RIT2: variants seen among roughly 807,000 people sequenced by gnomAD.
The protein encoded by RIT2 is Ras like without CAAX 2.
RIT2 carries 24 observed loss-of-function variants against 23.7 expected under a neutral mutation model. That is an observed-to-expected ratio of 1.01 (90% confidence interval 0.73 to 1.43). RIT2 has a LOEUF of 1.43. RIT2 is among the 40% of genes most tolerant of loss of function. The pLI is 0.00. For synonymous variants in RIT2, 107 were observed against 91.1 expected (o/e 1.17, Z -0.99); for missense variants, 236 against 266.9 (o/e 0.88, Z 0.81).
chr18:42,782,850 G>A (rs1340773699), intron 4 of RIT2, among the ~76,000 whole-genome samples: 1 of 152,032 alleles, frequency 6.6e-6, no homozygotes, highest in Admixed American at 6.6e-5. Flanking sequence ...TATATATACT[G>A]GGAAAATTTT....
chr18:42,918,457 T>C (rs900651494), intron 4 of RIT2, among the ~76,000 whole-genome samples: 2 of 152,124 alleles, frequency 1.3e-5, no homozygotes, highest in South Asian at 4.1e-4. Context: ...TGGCTATCTA[T>C]CCCAAAATAA....
intron 1 of RIT2, 94 bp downstream of exon 1, chr18:43,115,323 C>G: frequency 6.6e-7 from 1 of 1,508,214 alleles, no homozygotes; most frequent in Non-Finnish European, 9.1e-7. Context: ...CACAGTTCAC[C>G]TCTAACAGCA....
At chr18:43,094,239 A>G (rs150312625) in intron 1 of RIT2, among the ~76,000 whole-genome samples, 1 of 151,238 alleles carries the variant, frequency 6.6e-6, no homozygotes, top group Non-Finnish European at 1.5e-5. Flanking sequence ...ATTTCTATTC[A>G]TAACATTGAA....
At chr18:42,774,714 T>A (rs1913628111) in intron 4 of RIT2, among the ~76,000 whole-genome samples, 1 of 152,118 alleles carries the variant, frequency 6.6e-6, no homozygotes, top group Non-Finnish European at 1.5e-5. Context: ...ATATCAATAT[T>A]ATTGTGAAAT....
At chr18:42,844,068 C>G (rs1906841045) in intron 4 of RIT2, among the ~76,000 whole-genome samples, 1 of 152,166 alleles carries the variant, frequency 6.6e-6, no homozygotes, top group South Asian at 2.1e-4. Context: ...TTTTCTCAGC[C>G]TACCATGCTC....
intron 3 of RIT2, among the ~76,000 whole-genome samples, chr18:42,954,374 C>CAAAA (rs200231977): frequency 1.2e-5 from 1 of 86,326 alleles, no homozygotes; most frequent in Non-Finnish European, 2.8e-5. Flanking sequence ...ATTTCCAACT[C>CAAAA]AAAAAAAAAA....
chr18:42,777,893 T>A (rs910085849), intron 4 of RIT2, among the ~76,000 whole-genome samples: 1 of 152,334 alleles, frequency 6.6e-6, no homozygotes, highest in East Asian at 1.9e-4. Context: ...GATAAAATAA[T>A]CATATATATT....
chr18:42,939,773 T>A (rs1909550490), intron 3 of RIT2, among the ~76,000 whole-genome samples: 1 of 152,114 alleles, frequency 6.6e-6, no homozygotes, highest in South Asian at 2.1e-4. Context: ...TCCAACATTA[T>A]TGCTAGAGAA....
At chr18:42,997,631 A>C (rs2144237341) in intron 2 of RIT2, among the ~76,000 whole-genome samples, 1 of 152,216 alleles carries the variant, frequency 6.6e-6, no homozygotes, top group East Asian at 1.9e-4. Context: ...CTACTCATTC[A>C]AAAAATATTT....
At chr18:43,047,949 G>A (rs940651223) in intron 1 of RIT2, among the ~76,000 whole-genome samples, 81 of 152,146 alleles carry the variant, frequency 5.3e-4, no homozygotes, top group African/African-American at 1.8e-3. Flanking sequence ...GGCAGCCTTG[G>A]AAGCTGAGAG....
intron 1 of RIT2, among the ~76,000 whole-genome samples, chr18:43,039,985 A>C (rs1444439640): frequency 1.3e-5 from 2 of 152,188 alleles, no homozygotes; most frequent in Non-Finnish European, 2.9e-5. Flanking sequence ...CAATTAGAGG[A>C]CTAGAATCTA....
chr18:42,743,825 A>G, intron 4 of RIT2, 105 bp from the exon 5 acceptor site: 2 of 783,288 alleles, frequency 2.6e-6, no homozygotes, highest in South Asian at 1.8e-5. Flanking sequence ...AGCCCAAGCC[A>G]AGCCATCGTA....
chr18:42,922,488 A>G lies in RIT2; in HGVS notation c.426+1084T>C, dbSNP rs143004415. ...ATAACAAAGCAACTCAATTTAGAAA[A>G]TTAGATTTACAAAAATTTGATTTGC... On this transcript the variant is annotated intron_variant, in intron 4 of 4. Transcript: ENST00000326695. 4.6e-5 allele frequency among the ~76,000 whole-genome samples: 7 copies of G among 152,296 alleles called. No homozygotes were observed. In the East Asian group the frequency reaches 1.4e-3, roughly 29 times the overall value.
At chr18:42,780,110 C>G (rs1429249942) in intron 4 of RIT2, among the ~76,000 whole-genome samples, 1 of 128,954 alleles carries the variant, frequency 7.8e-6, no homozygotes, top group Admixed American at 9.0e-5. Context: ...GTCACAGCCT[C>G]AAGGGGTCCT....
At chr18:42,998,795 T>C (rs543235415) in intron 2 of RIT2, among the ~76,000 whole-genome samples, 1 of 152,230 alleles carries the variant, frequency 6.6e-6, no homozygotes, top group East Asian at 1.9e-4. Flanking sequence ...TGCAATGGTG[T>C]CTGCAATTAA....
At chr18:42,929,034 G>GATAGATATATATAT (rs1555647354) in intron 3 of RIT2, among the ~76,000 whole-genome samples, 4 of 96,956 alleles carry the variant, frequency 4.1e-5, no homozygotes, top group Non-Finnish European at 7.8e-5. Flanking sequence ...AAAATATGGA[G>GATAGATATATATAT]ATATATATAT....
Position 43,083,655 on chromosome 18 carries a change from T to C in RIT2, c.103+31762A>G, listed in dbSNP as rs771257904. Reference sequence around the variant, plus strand: ...GGGAATGGATTTCCTATTTAATAAATGGTGTTGGGAAAACTGGCTACTCAT... The same window carrying C: ...GGGAATGGATTTCCTATTTAATAAACGGTGTTGGGAAAACTGGCTACTCAT... On this transcript the variant is annotated intron_variant, in intron 1 of 4. Transcript: ENST00000326695. 2.7e-4 allele frequency among the ~76,000 whole-genome samples: 41 copies of C among 152,256 alleles called. No homozygotes were observed. In the Middle Eastern group the frequency reaches 0.01, roughly 38 times the overall value.
At chr18:42,792,194 TAACTC>T (rs1914059182) in intron 4 of RIT2, among the ~76,000 whole-genome samples, 1 of 152,214 alleles carries the variant, frequency 6.6e-6, no homozygotes, top group Admixed American at 6.5e-5. Flanking sequence ...TTTTGTTTAT[TAACTC>T]AATGAATTTA....
intron 4 of RIT2, among the ~76,000 whole-genome samples, chr18:42,744,120 A>G (rs1166952765): frequency 2.6e-5 from 4 of 151,634 alleles, no homozygotes; most frequent in African/African-American, 9.7e-5. Flanking sequence ...CCTGTCTGCC[A>G]GAGAACAAAC....
Sources: allele counts gnomAD v4.1 joint callset (sites outside exome capture counted in the v4.1 genomes callset), GRCh38; gene constraint gnomAD v4.1.1; transcripts MANE v1.5; gene names NCBI Gene and HGNC (gene_info 2026-07-23, HGNC 2026-07-21).